The following PBX1 variants were observed in gnomAD, a reference collection of about 807,000 sequenced individuals.
PBX1 encodes PBX homeobox 1.
In PBX1, 6 loss-of-function variants were observed where a neutral mutation model predicts 53.4. The ratio of observed to expected loss-of-function variants is 0.11; its 90% CI spans 0.06 to 0.22. PBX1 has a LOEUF of 0.22. Among genes scored for constraint, PBX1 ranks in the 10% least tolerant of loss-of-function variants. The probability of loss-of-function intolerance (pLI) is 1.00; values close to 1 mark genes in which losing one functional copy is unlikely to be tolerated. For synonymous variants in PBX1, 204 were observed against 212.3 expected, an observed-to-expected ratio of 0.96 and a Z score of 0.34; for missense variants, 251 against 551.4, an observed-to-expected ratio of 0.46 and a Z score of 5.46.
chr1:164,864,104 G>A (rs768099514), intron 2 of PBX1, among the ~76,000 whole-genome samples: 2 of 152,144 alleles, frequency 1.3e-5, no homozygotes, highest in African/African-American at 2.4e-5. Context: ...TAATTGCCAC[G>A]GGCAGGGTGA....
At chr1:164,688,816 G>C (rs1419422695) in intron 2 of PBX1, among the ~76,000 whole-genome samples, 3 of 152,186 alleles carry the variant, frequency 2.0e-5, no homozygotes, top group Non-Finnish European at 4.4e-5. Context: ...CTGATTTCCT[G>C]AACTCTTCTT....
At chr1:164,770,909 T>C (rs895308556) in intron 2 of PBX1, 2 of 152,194 alleles carry the variant, frequency 1.3e-5, no homozygotes, top group African/African-American at 4.8e-5. Flanking sequence ...GGCCAATCCT[T>C]TTCAGCAAGG....
rs572526861 is a variant in PBX1, at chr1:164,731,860, A to G, written c.266-60634A>G. Among the ~76,000 whole-genome samples, 27 of 152,284 alleles carry G rather than the reference A, an allele frequency of 1.8e-4. No homozygotes were observed. In the South Asian group the frequency reaches 3.1e-3, roughly 18 times the overall value. On this transcript the variant is annotated intron_variant, in intron 2 of 8. Coordinates refer to ENST00000420696, the MANE Select transcript of PBX1 (RefSeq NM_002585.4). ...GCCTGTGTGAGCTCTGCAGGTCTCT[A>G]TGTATCGCCTGGGCCCCTGCTGCCA... is the stretch of plus-strand genomic sequence containing the variant.
intron 2 of PBX1, among the ~76,000 whole-genome samples, chr1:164,628,978 G>A (rs1316333925): frequency 2.6e-5 from 4 of 152,058 alleles, no homozygotes; most frequent in East Asian, 1.9e-4. Flanking sequence ...CAGTTCCATC[G>A]TTTCTTAGGG....
intron 8 of PBX1, among the ~76,000 whole-genome samples, chr1:164,839,174 G>A (rs1671178884): frequency 6.6e-6 from 1 of 152,172 alleles, no homozygotes; most frequent in African/African-American, 2.4e-5. Flanking sequence ...GCCCAAGTGA[G>A]GTCCCTCTTT....
At chr1:164,841,403 A>T (rs1671285125) in intron 8 of PBX1, among the ~76,000 whole-genome samples, 1 of 152,166 alleles carries the variant, frequency 6.6e-6, no homozygotes, top group African/African-American at 2.4e-5. Context: ...TGCTGAGGAC[A>T]TTGAACCTCA....
chr1:164,574,785 C>T (rs1654106923), intron 2 of PBX1, among the ~76,000 whole-genome samples: 1 of 152,050 alleles, frequency 6.6e-6, no homozygotes. Context: ...AGTTCGAGAC[C>T]AGCCTGGCCA....
At chr1:164,616,672 G>A (rs943129037) in intron 2 of PBX1, among the ~76,000 whole-genome samples, 56 of 152,198 alleles carry the variant, frequency 3.7e-4, no homozygotes, top group Admixed American at 3.3e-3. Flanking sequence ...AACACTTCAT[G>A]TGACAGAAAA....
chr1:164,687,627 T>C (rs928188759), intron 2 of PBX1, among the ~76,000 whole-genome samples: 2 of 151,748 alleles, frequency 1.3e-5, no homozygotes, highest in East Asian at 3.9e-4. Context: ...TGTACTGGTG[T>C]TGACTATGTA....
intron 2 of PBX1, among the ~76,000 whole-genome samples, chr1:164,633,042 C>A (rs547842256): frequency 1.9e-4 from 29 of 152,256 alleles, no homozygotes; most frequent in Admixed American, 1.1e-3. Flanking sequence ...AGCTAAGACT[C>A]AAAACTAGTT....
Position 164,627,802 on chromosome 1 carries a change from A to AT in PBX1, c.265+64499dup, listed in dbSNP as rs200638115. Among the ~76,000 whole-genome samples, 1,074 of 151,820 alleles carry AT rather than the reference A, an allele frequency of 7.1e-3. 16 individuals carry two copies. Among genetic ancestry groups the AT allele is most frequent in the African/African-American group, 0.025 (1,025 of 41,392 alleles). On this transcript the variant is annotated intron_variant, in intron 2 of 8. Transcript: ENST00000420696. ...TACCAATACATTGCATCTCTTTTGT[A>AT]TTTTTTTTCTCCAGTGGGCTTGGAG... is the stretch of plus-strand genomic sequence containing the variant.
rs555527601 is a variant in PBX1, at chr1:164,875,660, G to A, written n.258-23528G>A. 3.9e-5 allele frequency among the ~76,000 whole-genome samples: 6 copies of A among 152,138 alleles called. No individual in the cohort carries two copies. The East Asian group carries it at 7.8e-4, about 20-fold the overall frequency. The stretch of plus-strand genomic sequence containing the variant: ...AAAATGGCCAAACCCTTGAGCCACC[G>A]GCAGGCTCAGTCACTGCTTGAGGTG... On this transcript the variant is annotated intron_variant and non_coding_transcript_variant, in intron 2 of 2. Transcript: ENST00000558796.
downstream of PBX1, among the ~76,000 whole-genome samples, chr1:164,853,882 C>T (rs1671917413): frequency 1.3e-5 from 2 of 151,900 alleles, no homozygotes; most frequent in South Asian, 4.2e-4. Context: ...ACATGGCTAT[C>T]CTTATAGATT....
intron 2 of PBX1, among the ~76,000 whole-genome samples, chr1:164,763,395 TA>T (rs1557992463): frequency 6.6e-6 from 1 of 152,212 alleles, no homozygotes; most frequent in Non-Finnish European, 1.5e-5. Flanking sequence ...TTATTCCTTT[TA>T]AAAAAGACTT....
intron 2 of PBX1, among the ~76,000 whole-genome samples, chr1:164,743,733 G>C (rs1286817998): frequency 1.3e-5 from 2 of 152,000 alleles, no homozygotes; most frequent in Non-Finnish European, 1.5e-5. Flanking sequence ...CTTTATGAAG[G>C]GGATTTTCTA....
At chr1:164,569,385 A>T (rs1477277912) in intron 2 of PBX1, among the ~76,000 whole-genome samples, 1 of 152,158 alleles carries the variant, frequency 6.6e-6, no homozygotes, top group Non-Finnish European at 1.5e-5. Context: ...AGTGCCTGGC[A>T]TAGAGTAAAC....
chr1:164,738,235 G>A (rs1322071980), intron 2 of PBX1, among the ~76,000 whole-genome samples: 1 of 152,042 alleles, frequency 6.6e-6, no homozygotes, highest in African/African-American at 2.4e-5. Flanking sequence ...TCTGTGTGTG[G>A]CATATATTTT....
intron 2 of PBX1, chr1:164,700,402 A>G: frequency 1.0e-6 from 1 of 959,774 alleles, no homozygotes; most frequent in Non-Finnish European, 1.2e-6. Flanking sequence ...AGGTTCTGTT[A>G]TTTCTCCATT....
chr1:164,652,277 C>CT (rs908101398), intron 2 of PBX1: 19 of 152,048 alleles, frequency 1.2e-4, no homozygotes, highest in African/African-American at 3.4e-4. Context: ...AGGACGGTCT[C>CT]TATCTCCTGA....
Sources: gnomAD v4.1 joint callset for allele counts (sites outside exome capture counted in the v4.1 genomes callset) on GRCh38, gnomAD v4.1.1 for gene constraint, MANE v1.5 for transcripts, NCBI Gene and HGNC (gene_info 2026-07-23, HGNC 2026-07-21) for gene names.